The following LRIT3 variants were observed in gnomAD, a reference collection of about 807,000 sequenced individuals.
The protein encoded by LRIT3 is leucine rich repeat, Ig-like and transmembrane domains 3.
Under a neutral mutation model 22.6 loss-of-function variants are expected in LRIT3, and 14 were observed. The ratio of observed to expected loss-of-function variants is 0.62; its 90% CI spans 0.41 to 0.97. The LOEUF (loss-of-function observed/expected upper bound fraction) is 0.97, where lower values mean the gene tolerates loss of function less well. Ranked by LOEUF, LRIT3 falls within the 50% of genes least tolerant of loss-of-function variation. The pLI, the probability that LRIT3 is intolerant of heterozygous loss-of-function variation, is 0.00. For missense variants in LRIT3, 783 were observed against 803.0 expected (o/e 0.98, Z 0.30); for synonymous variants, 306 against 304.5 (o/e 1.01, Z -0.05).
chr4:109,852,095 T>C, intron 2 of LRIT3, 119 bp downstream of exon 2: 1 of 876,190 alleles, frequency 1.1e-6, no homozygotes, highest in South Asian at 1.8e-5. Context: ...GCACTTTTAC[T>C]GGAATAGTAC....
chr4:109,855,608 T>A (rs1734380932), intron 2 of LRIT3, among the ~76,000 whole-genome samples: 1 of 152,326 alleles, frequency 6.6e-6, no homozygotes, highest in South Asian at 2.1e-4. Context: ...CTCTTGCTTC[T>A]CTAGTTCTTT....
At position 109,870,287 on chromosome 4, in the gene LRIT3, C is replaced by A; in HGVS notation, c.1538C>A (p.Ser513Tyr). ...TWNMINTTHN[S>Y]AVTVLYSKYG... ...AATATGATCAACACCACACATAACT[C>A]TGCAGTGACTGTGTTGTATTCCAAG... Residue 513 changes from serine to tyrosine, a missense_variant, in exon 4 of 4, where the codon TCT becomes TAT. Ser to Tyr is a moderately radical substitution (Grantham distance 144, BLOSUM62 -2). Around this residue, in one of 2 missense-constraint regions of LRIT3, gnomAD observed 756 missense variants for 753.8 expected, o/e 1.00. Coordinates refer to ENST00000594814, the MANE Select transcript of LRIT3 (RefSeq NM_198506.5). 1.2e-6 allele frequency: 2 copies of A among 1,614,184 alleles called. No homozygotes were observed. The highest frequency in any genetic ancestry group is 1.7e-6 in the Non-Finnish European group (2 of 1,180,030).
At chr4:109,849,144 C>T (rs1473938913) in intron 1 of LRIT3, among the ~76,000 whole-genome samples, 1 of 151,990 alleles carries the variant, frequency 6.6e-6, no homozygotes, top group African/African-American at 2.4e-5. Context: ...TGTCTTATAA[C>T]TTTAAACAAA....
chr4:109,852,766 G>A (rs1290575781), intron 2 of LRIT3, among the ~76,000 whole-genome samples: 1 of 152,110 alleles, frequency 6.6e-6, no homozygotes, highest in Non-Finnish European at 1.5e-5. Flanking sequence ...AGGCCCCAGT[G>A]TGTGATGTTC....
chr4:109,849,239 G>T (rs1350323427), intron 1 of LRIT3, among the ~76,000 whole-genome samples: 2 of 152,078 alleles, frequency 1.3e-5, no homozygotes, highest in African/African-American at 4.8e-5. Flanking sequence ...GGTATTTTTT[G>T]AGATATTCAC....
intron 2 of LRIT3, among the ~76,000 whole-genome samples, chr4:109,855,052 C>T (rs1175025313): frequency 6.6e-6 from 1 of 152,024 alleles, no homozygotes; most frequent in Non-Finnish European, 1.5e-5. Context: ...GGTGTCTCTG[C>T]CAGGTTTTGG....
At position 109,870,714 on chromosome 4, in the gene LRIT3, G is replaced by T. The variant is rs1287416812; in HGVS notation, c.1965G>T (p.Leu655=). The change falls in exon 4 of 4, where the codon CTG becomes CTT. Residue 655 remains leucine (L), a synonymous_variant. Coordinates refer to ENST00000594814, the MANE Select transcript of LRIT3 (RefSeq NM_198506.5). Reference sequence around the variant, plus strand: ...ACAGGGATGACTCAGAGAAATTGCTGCTTTGTTCTAGGTCAAGTGTGGAAT... The same window carrying T: ...ACAGGGATGACTCAGAGAAATTGCTTCTTTGTTCTAGGTCAAGTGTGGAAT... ...RSHRDDSEKL[L]LCSRSSVESQ... 3 of 1,614,136 alleles carry T rather than the reference G, an allele frequency of 1.9e-6. No homozygotes were observed. The highest frequency in any genetic ancestry group is 1.1e-5 in the South Asian group (1 of 91,076).
chr4:109,862,418 C>A (rs1734567351), intron 2 of LRIT3, among the ~76,000 whole-genome samples: 1 of 152,130 alleles, frequency 6.6e-6, no homozygotes. Context: ...TAAATATATT[C>A]AGTTCTTGGA....
intron 1 of LRIT3, among the ~76,000 whole-genome samples, chr4:109,851,153 T>C (rs1017178546): frequency 2.6e-5 from 4 of 152,210 alleles, no homozygotes; most frequent in Non-Finnish European, 4.4e-5. Context: ...TTACTTTCCA[T>C]GTAAAACCGA....
chr4:109,867,560 A>G, intron 2 of LRIT3, 81 bp from the exon 3 acceptor site: 2 of 1,291,694 alleles, frequency 1.5e-6, no homozygotes, highest in Non-Finnish European at 2.2e-6. Context: ...GACAGTGTAG[A>G]TCCCTACTTT....
chr4:109,869,831 C>T lies in LRIT3; in HGVS notation c.1082C>T (p.Thr361Ile). The change falls in exon 4 of 4, where the codon ACT (threonine) becomes ATT (isoleucine). Residue 361 changes from threonine (T) to isoleucine (I), a missense_variant. Thr to Ile is a moderately conservative substitution (Grantham distance 89). This residue lies in a region of LRIT3 where 756 missense variants were observed against 753.8 expected (regional missense o/e 1.00). Transcript: ENST00000594814. ...TPIPPDTSER[T>I]GDHPEWDVQP... ...ATACCACCAGACACTTCTGAAAGAA[C>T]TGGAGATCATCCTGAGTGGGATGTC... 6.2e-7 allele frequency: 1 copy of T among 1,614,062 alleles called. No homozygotes were observed. The highest frequency in any genetic ancestry group is 8.5e-7 in the Non-Finnish European group (1 of 1,179,922).
In LRIT3 at chr4:109,872,266, C is replaced by T. The variant is rs1266748233; in HGVS notation, c.*1477C>T. 6.6e-6 allele frequency: 1 copy of T among 152,260 alleles called. No homozygotes were observed. Among genetic ancestry groups the T allele is most frequent in the Non-Finnish European group, 1.5e-5 (1 of 68,060 alleles). 9.4% of individuals were successfully genotyped at this position (152,260 alleles called of 1,614,324 possible). A position where few individuals can be genotyped will look rare whatever the true frequency, so the allele number is the denominator to read the frequency against. On this transcript the variant is annotated 3_prime_UTR_variant, in exon 4 of 4. Transcript: ENST00000594814. ...TCCGGCCTATGACACCAGCCAGCTC[C>T]TGCTTTCTGTCTTGTAAGAGCACTG... is the stretch of plus-strand genomic sequence containing the variant.
intron 2 of LRIT3, among the ~76,000 whole-genome samples, chr4:109,866,333 C>G (rs540390237): frequency 8.5e-5 from 13 of 152,068 alleles, no homozygotes; most frequent in Non-Finnish European, 1.6e-4. Context: ...GAACATCACC[C>G]CTAAGATCCT....
intron 2 of LRIT3, among the ~76,000 whole-genome samples, chr4:109,863,718 T>C (rs566217341): frequency 6.6e-6 from 1 of 152,318 alleles, no homozygotes; most frequent in Admixed American, 6.5e-5. Context: ...GCAGGAGTCT[T>C]GTGTCTTCTA....
intron 1 of LRIT3, among the ~76,000 whole-genome samples, chr4:109,850,407 C>CTCT (rs1560588850): frequency 2.2e-3 from 22 of 9,782 alleles, no homozygotes; most frequent in African/African-American, 3.7e-3. Context: ...TCCTTCCTTC[C>CTCT]TTCCTTCCTT....
intron 3 of LRIT3, 102 bp downstream of exon 3, chr4:109,868,048 A>G: frequency 2.5e-6 from 3 of 1,208,098 alleles, no homozygotes; most frequent in Non-Finnish European, 3.5e-6. Context: ...CACTAATAAA[A>G]TATTTCAAGA....
chr4:109,867,057 A>T (rs575578805), intron 2 of LRIT3, among the ~76,000 whole-genome samples: 13 of 152,254 alleles, frequency 8.5e-5, no homozygotes, highest in African/African-American at 3.1e-4. Flanking sequence ...ACCTCAATAT[A>T]CCTTCAAATC....
rs760891964 is a variant in LRIT3 at position 109,870,318 on chromosome 4, T to C, written c.1569T>C (p.Gly523=). The change falls in exon 4 of 4, where the codon GGT becomes GGC. Residue 523 remains glycine (G), a synonymous_variant. Transcript: ENST00000594814. ...SAVTVLYSKY[G]GKDLLLLNAD... Reference sequence around the variant, plus strand: ...TGACTGTGTTGTATTCCAAGTATGGTGGGAAGGACCTGCTGCTGTTGAATG... The same window carrying C: ...TGACTGTGTTGTATTCCAAGTATGGCGGGAAGGACCTGCTGCTGTTGAATG... The C allele has an allele frequency of 5.8e-5, 93 of 1,614,070 alleles. No homozygotes were observed. Among genetic ancestry groups the C allele is most frequent in the Non-Finnish European group, 6.5e-5 (77 of 1,180,032 alleles).
At chr4:109,862,326 A>C (rs963941115) in intron 2 of LRIT3, among the ~76,000 whole-genome samples, 32 of 152,338 alleles carry the variant, frequency 2.1e-4, no homozygotes, top group African/African-American at 7.5e-4. Context: ...TAGTTGATGT[A>C]TTGCCTTGAA....
Sources: allele counts gnomAD v4.1 joint callset (sites outside exome capture counted in the v4.1 genomes callset), GRCh38; gene constraint gnomAD v4.1.1; regional missense constraint gnomAD v4.1.1; transcripts MANE v1.5; gene names NCBI Gene and HGNC (gene_info 2026-07-23, HGNC 2026-07-21).